The following MGA variants were observed in gnomAD, a reference collection of about 807,000 sequenced individuals.
The protein encoded by MGA is MAX dimerization protein MGA.
Under a neutral mutation model 261.1 loss-of-function variants are expected in MGA, and 40 were observed. The ratio of observed to expected loss-of-function variants is 0.15; its 90% CI spans 0.12 to 0.20. The LOEUF is 0.20. Among genes scored for constraint, MGA ranks in the 10% least tolerant of loss-of-function variants. The pLI is 1.00. For missense variants in MGA, 3,397 were observed against 3,630.5 expected, an observed-to-expected ratio of 0.94 and a Z score of 1.65; for synonymous variants, 1,302 against 1,290.6, an observed-to-expected ratio of 1.01 and a Z score of -0.19.
In MGA at chr15:41,713,349, A is replaced by G; in HGVS notation, c.3283A>G (p.Lys1095Glu). ...AGTTGTACTTGTTAAAGGAGGATCC[A>G]AAACTAAGCATTTTCAGAGGAAGGC... The change falls in exon 9 of 24, where the codon AAA becomes GAA. Residue 1095 changes from lysine (K) to glutamate (E), a missense_variant. This residue lies in a region of MGA where 519 missense variants were observed against 554.1 expected (regional missense o/e 0.94). Transcript: ENST00000219905. The G allele has an allele frequency of 6.2e-7, 1 of 1,613,956 alleles. No individual in the cohort carries two copies. The highest frequency in any genetic ancestry group is 8.5e-7 in the Non-Finnish European group (1 of 1,179,848).
Position 41,750,523 on chromosome 15 carries a change from G to C in MGA, c.6916G>C (p.Glu2306Gln). 6.2e-7 allele frequency: 1 copy of C among 1,613,526 alleles called. No individual in the cohort carries two copies. The highest frequency in any genetic ancestry group is 8.5e-7 in the Non-Finnish European group (1 of 1,179,650). The change falls in exon 17 of 24, where the codon GAA becomes CAA. Residue 2306 changes from glutamate to glutamine, a missense_variant. Coordinates refer to ENST00000219905, the MANE Select transcript of MGA (RefSeq NM_001164273.2). ...TGTTTTGGATTTGGAAGAAGATGAT[G>C]AAGATGATAATGAGAAAACTGATGA... is the stretch of plus-strand genomic sequence containing the variant.
rs777877908 is a variant in MGA, at chr15:41,766,377, G to A, written c.8295G>A (p.Gly2765=). 2 of 1,613,894 alleles carry A rather than the reference G, an allele frequency of 1.2e-6. No homozygotes were observed. The highest frequency in any genetic ancestry group is 1.7e-5 in the Admixed American group (1 of 59,992). Residue 2765 remains glycine (G), a synonymous_variant, in exon 24 of 24, where the codon GGG becomes GGA. Coordinates refer to ENST00000219905, the MANE Select transcript of MGA (RefSeq NM_001164273.2). ...AATGGAAAGAGAGTGAATCAAGAGG[G>A]GAGAGAGTGAAGTCAAAGGATTCTT...
chr15:41,722,122 A>T lies in MGA; in HGVS notation c.3431-5058A>T, dbSNP rs11637585. On this transcript the variant is annotated intron_variant, in intron 9 of 23. Transcript: ENST00000219905. ...TAATATAAACTTTTAAAGTAGGCCA[A>T]TTTTTTTTTTTTTTTTTTTTTTTTT... 1.5e-3 allele frequency among the ~76,000 whole-genome samples: 132 copies of T among 87,696 alleles called. 4 individuals carry two copies. The highest frequency in any genetic ancestry group is 6.0e-3 in the Middle Eastern group (1 of 166). 57.5% of individuals were successfully genotyped at this position (87,696 alleles called of 152,430 possible).
At chr15:41,753,367 A>G (rs1256523761) in intron 17 of MGA, among the ~76,000 whole-genome samples, 1 of 148,836 alleles carries the variant, frequency 6.7e-6, no homozygotes, top group Non-Finnish European at 1.5e-5. Flanking sequence ...TGTTTCTGGC[A>G]TAGTAAACAC....
chr15:41,692,460 C>CT (rs2059337691), intron 2 of MGA, among the ~76,000 whole-genome samples: 1 of 152,150 alleles, frequency 6.6e-6, no homozygotes, highest in Admixed American at 6.6e-5. Flanking sequence ...CCTATAGTTG[C>CT]TTTTTTCTCT....
At chr15:41,740,628 A>G (rs1036699330) in intron 14 of MGA, among the ~76,000 whole-genome samples, 3 of 152,126 alleles carry the variant, frequency 2.0e-5, no homozygotes, top group Non-Finnish European at 2.9e-5. Context: ...ATAGTTTACT[A>G]TTTTCCTGTG....
In MGA at chr15:41,766,577, T is replaced by A; in HGVS notation, c.8495T>A (p.Phe2832Tyr). The change falls in exon 24 of 24, where the codon TTT becomes TAT. Residue 2832 changes from phenylalanine to tyrosine, a missense_variant. Coordinates refer to ENST00000219905, the MANE Select transcript of MGA (RefSeq NM_001164273.2). ...ACTTCACTGCTCAATGAAATTGCCT[T>A]TCTTAATCAACAACTAAATGATGAC... The A allele has an allele frequency of 6.2e-7, 1 of 1,613,944 alleles. No individual in the cohort carries two copies. The highest frequency in any genetic ancestry group is 2.2e-5 in the East Asian group (1 of 44,870).
At chr15:41,638,295 G>A (rs1163654523) in intron 1 of MGA, among the ~76,000 whole-genome samples, 1 of 151,750 alleles carries the variant, frequency 6.6e-6, no homozygotes, top group Non-Finnish European at 1.5e-5. Context: ...CGCCTGTCTC[G>A]GCCTCCCAAA....
upstream of MGA, among the ~76,000 whole-genome samples, chr15:41,656,137 AACTGGAAG>A (rs762584306): frequency 1.3e-5 from 2 of 152,172 alleles, no homozygotes; most frequent in Non-Finnish European, 2.9e-5. Context: ...GAGAGCATAT[AACTGGAAG>A]ACCTTACCTG....
intron 1 of MGA, among the ~76,000 whole-genome samples, chr15:41,626,669 C>T (rs1488449634): frequency 5.9e-5 from 9 of 152,254 alleles, no homozygotes; most frequent in Admixed American, 3.3e-4. Context: ...GAGATCCACC[C>T]GCCTTGGCTT....
chr15:41,649,864 A>T (rs547222916), intron 1 of MGA, among the ~76,000 whole-genome samples: 67 of 152,274 alleles, frequency 4.4e-4, no homozygotes, highest in African/African-American at 1.6e-3. Flanking sequence ...TATTTTTAGT[A>T]GAGACGGGGT....
intron 18 of MGA, among the ~76,000 whole-genome samples, chr15:41,755,545 T>C (rs1040905680): frequency 1.3e-5 from 2 of 152,096 alleles, no homozygotes; most frequent in African/African-American, 4.8e-5. Context: ...ACAGGAAAAA[T>C]GCCGTGTGAG....
At chr15:41,707,980 G>T in intron 6 of MGA, 121 bp downstream of exon 6, 4 of 1,387,908 alleles carry the variant, frequency 2.9e-6, no homozygotes, top group Non-Finnish European at 3.9e-6. Flanking sequence ...TAGATCTTTT[G>T]TCTGTTGTTA....
In MGA at chr15:41,669,044, G is replaced by T. The variant is rs748809086; in HGVS notation, c.150G>T (p.Leu50Phe). The change falls in exon 2 of 24, where the codon TTG becomes TTT. Residue 50 changes from leucine to phenylalanine, a missense_variant. Coordinates refer to ENST00000219905, the MANE Select transcript of MGA (RefSeq NM_001164273.2). ...TTACTAATCAGGATGCCTGTGCTTT[G>T]GCTAGTAGTGTGTCATCACCAGTAA... The T allele has an allele frequency of 6.2e-7, 1 of 1,613,112 alleles. No homozygotes were observed. Among genetic ancestry groups the T allele is most frequent in the Non-Finnish European group, 8.5e-7 (1 of 1,179,184 alleles).
chr15:41,671,138 A>G (rs972300169), intron 2 of MGA, among the ~76,000 whole-genome samples: 11 of 152,168 alleles, frequency 7.2e-5, no homozygotes, highest in African/African-American at 2.7e-4. Flanking sequence ...AGTTGCCTGT[A>G]ATCATGAGTT....
In MGA at chr15:41,696,540, A is replaced by C; in HGVS notation, c.1530A>C (p.Thr510=). The change falls in exon 3 of 24, where the codon ACA becomes ACC. Residue 510 remains threonine (T), a synonymous_variant. Transcript: ENST00000219905. ...TGGCAGAATTGGAATATTTGCCTAC[A>C]TACATTGAAAATTCCAATGAGACTG... 6.2e-7 allele frequency: 1 copy of C among 1,613,996 alleles called. No homozygotes were observed. Among genetic ancestry groups the C allele is most frequent in the East Asian group, 2.2e-5 (1 of 44,884 alleles).
intron 11 of MGA, among the ~76,000 whole-genome samples, chr15:41,731,250 T>G (rs769365246): frequency 2.0e-5 from 3 of 152,108 alleles, no homozygotes; most frequent in Non-Finnish European, 4.4e-5. Context: ...AGTTGTAATT[T>G]CAGATCTCAT....
chr15:41,671,709 C>CT (rs1044955435), intron 2 of MGA, among the ~76,000 whole-genome samples: 1 of 152,108 alleles, frequency 6.6e-6, no homozygotes, highest in African/African-American at 2.4e-5. Flanking sequence ...CTTTACTTTC[C>CT]TTTTCTTGCT....
At chr15:41,717,374 A>T (rs976923849) in intron 9 of MGA, among the ~76,000 whole-genome samples, 31 of 152,338 alleles carry the variant, frequency 2.0e-4, no homozygotes, top group Non-Finnish European at 2.2e-4. Flanking sequence ...AAGAAAAAAA[A>T]TCAATAAAAT....
Sources: allele counts gnomAD v4.1 joint callset (sites outside exome capture counted in the v4.1 genomes callset), GRCh38; gene constraint gnomAD v4.1.1; regional missense constraint gnomAD v4.1.1; transcripts MANE v1.5; gene names NCBI Gene and HGNC (gene_info 2026-07-23, HGNC 2026-07-21).